The following ADAMTS1 variants were observed in gnomAD, a reference collection of about 807,000 sequenced individuals.
The protein encoded by ADAMTS1 is A disintegrin and metalloproteinase with thrombospondin motifs 1.
ADAMTS1 carries 19 observed loss-of-function variants against 87.9 expected under a neutral mutation model. The observed-to-expected ratio is 0.22, with a 90% CI of 0.15 to 0.32. The LOEUF (loss-of-function observed/expected upper bound fraction) is 0.32, where lower values mean the gene tolerates loss of function less well. ADAMTS1 is among the 10% of genes least tolerant of loss of function. The pLI is 1.00. For synonymous variants in ADAMTS1, 542 were observed against 501.8 expected, an observed-to-expected ratio of 1.08 and a Z score of -1.07; for missense variants, 1,240 against 1,259.1, an observed-to-expected ratio of 0.98 and a Z score of 0.23.
rs772925113 is a variant in ADAMTS1, at chr21:26,838,223, T to G, written c.2260A>C (p.Lys754Gln). 5 of 1,613,902 alleles carry G rather than the reference T, an allele frequency of 3.1e-6. No homozygotes were observed. The Admixed American group carries it at 8.3e-5, about 27-fold the overall frequency. Reference sequence around the variant, plus strand: ...CTGGATCCCCTCTGGTTCCGCTGTTTCACTTCGATGTTGGTGGCTCCAGTT... The same window carrying G: ...CTGGATCCCCTCTGGTTCCGCTGTTGCACTTCGATGTTGGTGGCTCCAGTT... ...IPTGATNIEV[K>Q]QRNQRGSRNN... Residue 754 changes from lysine (K) to glutamine (Q), a missense_variant, in exon 9 of 9, where the codon AAA (lysine) becomes CAA (glutamine). Coordinates refer to ENST00000284984, the MANE Select transcript of ADAMTS1 (RefSeq NM_006988.5).
In ADAMTS1 at chr21:26,844,601, G is replaced by A; in HGVS notation, c.354C>T (p.Thr118=). The change falls in exon 1 of 9, where the codon ACC becomes ACT. Residue 118 remains threonine, a synonymous_variant. Transcript: ENST00000284984. ...KSGSETPLPE[T]DLAHCFYSGT... ...CGGAGTAGAAGCAGTGCGCCAGGTC[G>A]GTTTCCGGAAGCGGCGTCTCGGACC... 6.2e-7 allele frequency: 1 copy of A among 1,610,796 alleles called. No individual in the cohort carries two copies. Among genetic ancestry groups the A allele is most frequent in the African/African-American group, 1.3e-5 (1 of 75,026 alleles).
Position 26,841,982 on chromosome 21 carries a change from A to G in ADAMTS1, c.1086T>C (p.Cys362=). Residue 362 remains cysteine, a synonymous_variant, in exon 3 of 9, where the codon TGT becomes TGC. Coordinates refer to ENST00000284984, the MANE Select transcript of ADAMTS1 (RefSeq NM_006988.5). ...TAILFTRQDL[C]GSQTCDTLGM... ...CAAGAGTATCACATGTCTGGGACCC[A>G]CACAAGTCCTACAAAAAGCAAAGGT... The G allele has an allele frequency of 6.2e-7, 1 of 1,613,624 alleles. No homozygotes were observed. The highest frequency in any genetic ancestry group is 8.5e-7 in the Non-Finnish European group (1 of 1,179,914).
At chr21:26,840,082 T>C in intron 5 of ADAMTS1, 21 bp from the exon 6 acceptor site, 1 of 1,608,214 alleles carries the variant, frequency 6.2e-7, no homozygotes, top group African/African-American at 1.3e-5. Context: ...ACATAAATCA[T>C]CAGCATTAGA....
chr21:26,845,207 G>T lies in ADAMTS1; in HGVS notation c.-253C>A. 2.4e-6 allele frequency: 1 copy of T among 419,498 alleles called. No homozygotes were observed. Among genetic ancestry groups the T allele is most frequent in the Non-Finnish European group, 4.1e-6 (1 of 246,418 alleles). The allele number at this position is 419,498 out of a possible 1,614,324, so 26.0% of individuals were successfully genotyped here. On this transcript the variant is annotated 5_prime_UTR_variant, in exon 1 of 9. Transcript: ENST00000284984. Reference sequence around the variant, plus strand: ...TGGAGACACTGAGAGGCAGGCGCAGGCAGAGTGGCTCTGCTGGGACAAGAA... The same window carrying T: ...TGGAGACACTGAGAGGCAGGCGCAGTCAGAGTGGCTCTGCTGGGACAAGAA...
intron 7 of ADAMTS1, 89 bp from the exon 8 acceptor site, chr21:26,838,703 C>G: frequency 7.6e-7 from 1 of 1,308,774 alleles, no homozygotes; most frequent in Non-Finnish European, 1.0e-6. Flanking sequence ...CTCTACTTTC[C>G]TGACCATGCT....
Position 26,839,686 on chromosome 21 carries a change from C to G in ADAMTS1, c.1929G>C (p.Val643=). ...CGCCAGCGTACTTGGGAATCCATTC[C>G]ACCGCAGGCCCACTCCCAAAGGAAG... is the stretch of plus-strand genomic sequence containing the variant. ...SKASFGSGPA[V]EWIPKYAGVS... The change falls in exon 7 of 9, where the codon GTG becomes GTC. Residue 643 remains valine, a synonymous_variant. Coordinates refer to ENST00000284984, the MANE Select transcript of ADAMTS1 (RefSeq NM_006988.5). The G allele has an allele frequency of 6.2e-7, 1 of 1,613,868 alleles. No individual in the cohort carries two copies. Among genetic ancestry groups the G allele is most frequent in the South Asian group, 1.1e-5 (1 of 91,078 alleles).
At position 26,843,845 on chromosome 21, in the gene ADAMTS1, A is replaced by G. The variant is rs1985549511; in HGVS notation, c.730+380T>C. ...TTACAAAACTCAGCGCAACGTTGCA[A>G]CCCGCACAAAAGGCGCACACAAAAT... On this transcript the variant is annotated intron_variant, in intron 1 of 8. Coordinates refer to ENST00000284984, the MANE Select transcript of ADAMTS1 (RefSeq NM_006988.5). 3 of 457,710 alleles carry G rather than the reference A, an allele frequency of 6.6e-6. No individual in the cohort carries two copies. In the Admixed American group the frequency reaches 7.5e-5, roughly 11 times the overall value. The allele number at this position is 457,710 out of a possible 1,614,324, so 28.4% of individuals were successfully genotyped here.
chr21:26,837,732 C>T lies in ADAMTS1; in HGVS notation c.2751G>A (p.Trp917Ter). 9 of 1,614,200 alleles carry T rather than the reference C, an allele frequency of 5.6e-6. No homozygotes were observed. Among genetic ancestry groups the T allele is most frequent in the Non-Finnish European group, 7.6e-6 (9 of 1,180,040 alleles). ...HPCPQWQLGEWSSCSKTCGKG... is the reference protein window; with the variant it reads ...HPCPQWQLGE ...TCCCACAGGTCTTAGAACATGATGA[C>T]CACTCCCCCAGCTGCCACTGGGGGC... Residue 917 changes from tryptophan to a stop codon, truncating the protein, a stop_gained, in exon 9 of 9, where the codon TGG (tryptophan) becomes TGA (stop). Coordinates refer to ENST00000284984, the MANE Select transcript of ADAMTS1 (RefSeq NM_006988.5). LOFTEE classifies it high-confidence loss of function.
In ADAMTS1 at chr21:26,842,641, A is replaced by C. The variant is rs199724265; in HGVS notation, c.775T>G (p.Tyr259Asp). Reference protein sequence around the residue: ...RKKRFVSSHRYVETMLVADQS... With the variant: ...RKKRFVSSHRDVETMLVADQS... ...TCTGCCACAAGCATGGTTTCCACATAGCGGTGACTGGACACAAATCGCTTC... is the reference window on the plus strand; with the variant it reads ...TCTGCCACAAGCATGGTTTCCACATCGCGGTGACTGGACACAAATCGCTTC... The change falls in exon 2 of 9, where the codon TAT becomes GAT. Residue 259 changes from tyrosine to aspartate, a missense_variant. By Grantham distance (160) the Tyr-to-Asp change is radical. Coordinates refer to ENST00000284984, the MANE Select transcript of ADAMTS1 (RefSeq NM_006988.5). 1 of 1,613,960 alleles carries C rather than the reference A, an allele frequency of 6.2e-7. No individual in the cohort carries two copies. The highest frequency in any genetic ancestry group is 1.1e-5 in the South Asian group (1 of 91,076).
At chr21:26,840,592 A>T (rs368998127) in intron 4 of ADAMTS1, 30 bp from the exon 5 acceptor site, 14 of 1,606,596 alleles carry the variant, frequency 8.7e-6, no homozygotes, top group Non-Finnish European at 1.2e-5. Context: ...CAATATCAAT[A>T]CAGAGTTAGT....
intron 7 of ADAMTS1, 83 bp downstream of exon 7, chr21:26,839,502 CAA>C (rs1194423378): frequency 8.7e-6 from 11 of 1,269,108 alleles, no homozygotes; most frequent in Non-Finnish European, 1.2e-5. Context: ...ATATGGAAAG[CAA>C]AGAAAGTATA....
Position 26,845,148 on chromosome 21 carries a change from C to G in ADAMTS1, c.-194G>C. On this transcript the variant is annotated 5_prime_UTR_variant, in exon 1 of 9. Transcript: ENST00000284984. ...CTAAAAGGAGGCGCTGCAGTTCTGCCGGCGCGCGGGAAGTTTTTCTTCCAG... is the reference window on the plus strand; with the variant it reads ...CTAAAAGGAGGCGCTGCAGTTCTGCGGGCGCGCGGGAAGTTTTTCTTCCAG... 1.4e-6 allele frequency: 1 copy of G among 722,438 alleles called. No homozygotes were observed. The highest frequency in any genetic ancestry group is 6.7e-5 in the South Asian group (1 of 14,868). 44.8% of individuals were successfully genotyped at this position (722,438 alleles called of 1,614,324 possible).
chr21:26,838,016 T>G lies in ADAMTS1; in HGVS notation c.2467A>C (p.Ile823Leu). ...SFSPLKEPLT[I>L]QVLTVGNALR... ...GCATTGCCCACAGTAAGAACCTGGA[T>G]GGTCAAGGGCTCTTTGAGAGGGCTA... Residue 823 changes from isoleucine (I) to leucine (L), a missense_variant, in exon 9 of 9, where the codon ATC becomes CTC. Ile to Leu is a conservative substitution (Grantham distance 5). This residue lies in a region of ADAMTS1 where 402 missense variants were observed against 399.1 expected (regional missense o/e 1.01). Coordinates refer to ENST00000284984, the MANE Select transcript of ADAMTS1 (RefSeq NM_006988.5). 1.2e-6 allele frequency: 2 copies of G among 1,614,236 alleles called. No individual in the cohort carries two copies. The highest frequency in any genetic ancestry group is 1.7e-6 in the Non-Finnish European group (2 of 1,180,038).
intron 2 of ADAMTS1, 96 bp from the exon 3 acceptor site, chr21:26,842,086 G>A: frequency 7.4e-7 from 1 of 1,352,480 alleles, no homozygotes; most frequent in Middle Eastern, 1.9e-4. Context: ...ATGCTTTGGA[G>A]CATCTACATT....
At position 26,837,314 on chromosome 21, in the gene ADAMTS1, A is replaced by ATAAT; in HGVS notation, c.*261_*264dup. The ATAAT allele has an allele frequency of 2.8e-6, 1 of 354,820 alleles. No individual in the cohort carries two copies. Among genetic ancestry groups the ATAAT allele is most frequent in the Non-Finnish European group, 5.1e-6 (1 of 195,594 alleles). The allele number at this position is 354,820 out of a possible 1,614,324, so 22.0% of individuals were successfully genotyped here. On this transcript the variant is annotated 3_prime_UTR_variant, in exon 9 of 9. Coordinates refer to ENST00000284984, the MANE Select transcript of ADAMTS1 (RefSeq NM_006988.5). ...ACTTGTAATAGATGTAACAAAAGAA[A>ATAAT]TAATAATAATAATGCCCGGGGCTTT...
rs769868707 is a variant in ADAMTS1, at chr21:26,837,873, A to G, written c.2610T>C (p.Cys870=). The G allele has an allele frequency of 1.9e-6, 3 of 1,614,066 alleles. No individual in the cohort carries two copies. The highest frequency in any genetic ancestry group is 3.3e-5 in the Admixed American group (2 of 59,998). ...IEEWGECSKS[C]ELGWQRRLVE... Reference sequence around the variant, plus strand: ...CCAGTCTTCTCTGCCAACCCAATTCACATGACTTAGAACATTCGCCCCACT... The same window carrying G: ...CCAGTCTTCTCTGCCAACCCAATTCGCATGACTTAGAACATTCGCCCCACT... The change falls in exon 9 of 9, where the codon TGT becomes TGC. Residue 870 remains cysteine (C), a synonymous_variant. Coordinates refer to ENST00000284984, the MANE Select transcript of ADAMTS1 (RefSeq NM_006988.5).
Position 26,839,885 on chromosome 21 carries a change from T to C in ADAMTS1, c.1842A>G (p.Pro614=). ...RYRSCNLEDC[P]DNNGKTFREE... The stretch of plus-strand genomic sequence containing the variant: ...TCCGTTGCTCCTCACCATTATTGTC[T>C]GGACAGTCCTCAAGGTTACAGGATC... Residue 614 remains proline, a synonymous_variant, in exon 6 of 9, where the codon CCA becomes CCG. Transcript: ENST00000284984. 6.2e-7 allele frequency: 1 copy of C among 1,613,992 alleles called. No individual in the cohort carries two copies. Among genetic ancestry groups the C allele is most frequent in the South Asian group, 1.1e-5 (1 of 91,032 alleles).
In ADAMTS1 at chr21:26,844,416, G is replaced by A; in HGVS notation, c.539C>T (p.Pro180Leu). ...CCGCCGCAGGAGGTGGAACTGTAGT[G>A]GTGCCGGCGGCTTCTCCCCTGGGGC... is the stretch of plus-strand genomic sequence containing the variant. ...TAAPGEKPPA[P>L]LQFHLLRRNR... Residue 180 changes from proline to leucine, a missense_variant, in exon 1 of 9, where the codon CCA becomes CTA. By Grantham distance (98) the Pro-to-Leu change is moderately conservative. Transcript: ENST00000284984. 3 of 1,589,584 alleles carry A rather than the reference G, an allele frequency of 1.9e-6. No homozygotes were observed. Among genetic ancestry groups the A allele is most frequent in the Non-Finnish European group, 2.6e-6 (3 of 1,168,740 alleles).
In ADAMTS1 at chr21:26,838,446, T is replaced by C; in HGVS notation, c.2197A>G (p.Ser733Gly). The C allele has an allele frequency of 6.2e-7, 1 of 1,614,230 alleles. No individual in the cohort carries two copies. Among genetic ancestry groups the C allele is most frequent in the African/African-American group, 1.3e-5 (1 of 75,062 alleles). The change falls in exon 8 of 9, where the codon AGT (serine) becomes GGT (glycine). Residue 733 changes from serine to glycine, a missense_variant. Physicochemically the swap from Ser to Gly is moderately conservative, Grantham distance 56. This residue lies in a region of ADAMTS1 where 402 missense variants were observed against 399.1 expected (regional missense o/e 1.01). Coordinates refer to ENST00000284984, the MANE Select transcript of ADAMTS1 (RefSeq NM_006988.5). ...TCKKISGSVT[S>G]AKPGYHDIIT... ...AGGTGTTTTAAAACTTACTTTGCAC[T>C]AGTAACTGATCCTGATATTTTTTTA...
Sources: allele counts gnomAD v4.1 joint callset, GRCh38; gene constraint gnomAD v4.1.1; regional missense constraint gnomAD v4.1.1; transcripts MANE v1.5; gene names NCBI Gene and HGNC (gene_info 2026-07-23, HGNC 2026-07-21).